The following IFT57 variants were observed in gnomAD, a reference collection of about 807,000 sequenced individuals.
The protein encoded by IFT57 is intraflagellar transport protein 57 homolog.
IFT57 carries 59 observed loss-of-function variants against 56.8 expected under a neutral mutation model. The ratio of observed to expected loss-of-function variants is 1.04; its 90% confidence interval spans 0.84 to 1.29. IFT57 has a LOEUF of 1.29. Among genes scored for constraint, IFT57 ranks in the 50% most tolerant of loss-of-function variants. IFT57 has a pLI of 0.00. For missense variants in IFT57, 470 were observed against 522.1 expected (o/e 0.90, Z 0.97); for synonymous variants, 209 against 186.1 (o/e 1.12, Z -1.00).
intron 5 of IFT57, among the ~76,000 whole-genome samples, chr3:108,206,076 T>C (rs866486524): frequency 6.9e-5 from 9 of 131,170 alleles, no homozygotes; most frequent in Middle Eastern, 9.0e-3. Context: ...AATAATATAT[T>C]ATATATAAAT....
rs531996536 is a variant in IFT57 at position 108,198,821 on chromosome 3, G to A, written c.655-7178C>T. 3.3e-5 allele frequency among the ~76,000 whole-genome samples: 5 copies of A among 152,210 alleles called. No homozygotes were observed. The South Asian group carries it at 1.0e-3, about 32-fold the overall frequency. On this transcript the variant is annotated intron_variant, in intron 5 of 10. Coordinates refer to ENST00000264538, the MANE Select transcript of IFT57 (RefSeq NM_018010.4). ...GTTAATTTGGGTGTAATGTATGAGG[G>A]AGGAATCCAGCCTTTTCTACAAATG... is the stretch of plus-strand genomic sequence containing the variant.
At chr3:108,171,638 C>T (rs886673781) in intron 6 of IFT57, among the ~76,000 whole-genome samples, 1 of 151,740 alleles carries the variant, frequency 6.6e-6, no homozygotes, top group Non-Finnish European at 1.5e-5. Flanking sequence ...CCCTCCAAGT[C>T]AGCTAATCAA....
At chr3:108,209,897 T>C (rs576344247) in intron 4 of IFT57, among the ~76,000 whole-genome samples, 22 of 141,188 alleles carry the variant, frequency 1.6e-4, no homozygotes, top group African/African-American at 5.6e-4. Context: ...TGTAAGCCAA[T>C]TCCTTAGTCT....
chr3:108,222,113 G>T lies in IFT57; in HGVS notation c.210C>A (p.Ser70=), dbSNP rs963454098. The part of the protein sequence containing the change: ...FLRKSNLKAP[S]RHYFALPTNP... The stretch of plus-strand genomic sequence containing the variant: ...CGCTCGGGGACGCCGGCACCCACCT[G>T]GACGGGGCCTTCAGGTTGCTCTTCC... Residue 70 remains serine (S), a splice_region_variant and synonymous_variant, in exon 1 of 11, where the codon TCC becomes TCA. Coordinates refer to ENST00000264538, the MANE Select transcript of IFT57 (RefSeq NM_018010.4). 8.8e-6 allele frequency: 14 copies of T among 1,598,664 alleles called. No individual in the cohort carries two copies. The highest frequency in any genetic ancestry group is 1.1e-5 in the Non-Finnish European group (13 of 1,172,788).
intron 6 of IFT57, among the ~76,000 whole-genome samples, chr3:108,179,426 G>T (rs2080140616): frequency 6.6e-6 from 1 of 151,930 alleles, no homozygotes; most frequent in African/African-American, 2.4e-5. Flanking sequence ...ATACTTCTCG[G>T]ACAAAAATCT....
chr3:108,210,438 G>T (rs112695180), intron 4 of IFT57, among the ~76,000 whole-genome samples: 13,702 of 149,774 alleles, frequency 0.091, 681 homozygotes, highest in Middle Eastern at 0.12. Context: ...GGTTCAAGCA[G>T]TTCTCTTGCC....
chr3:108,163,333 T>C (rs1272782056), intron 10 of IFT57, among the ~76,000 whole-genome samples: 1 of 152,072 alleles, frequency 6.6e-6, no homozygotes. Flanking sequence ...GTATATAAAA[T>C]AGAAAAAGTG....
chr3:108,179,977 T>C (rs2080143659), intron 6 of IFT57, among the ~76,000 whole-genome samples: 1 of 152,024 alleles, frequency 6.6e-6, no homozygotes, highest in Non-Finnish European at 1.5e-5. Context: ...TCATGATCGC[T>C]GGAAATATGT....
At chr3:108,203,223 G>A (rs1209496607) in intron 5 of IFT57, among the ~76,000 whole-genome samples, 1 of 152,190 alleles carries the variant, frequency 6.6e-6, no homozygotes, top group Non-Finnish European at 1.5e-5. Flanking sequence ...TGTCAGGCCC[G>A]TATCACAGCA....
chr3:108,222,173 C>T lies in IFT57; in HGVS notation c.150G>A (p.Lys50=). The part of the protein sequence containing the change: ...MFVVMEDLVE[K]LKLLRYEEEF... ...CCTCCTCGTAGCGGAGCAGCTTCAG[C>T]TTCTCCACCAAGTCCTCCATCACCA... The change falls in exon 1 of 11, where the codon AAG becomes AAA. Residue 50 remains lysine, a synonymous_variant. Transcript: ENST00000264538. 1.2e-6 allele frequency: 2 copies of T among 1,614,054 alleles called. No homozygotes were observed. Among genetic ancestry groups the T allele is most frequent in the Non-Finnish European group, 8.5e-7 (1 of 1,179,954 alleles).
intron 6 of IFT57, among the ~76,000 whole-genome samples, chr3:108,173,470 C>A (rs1255922661): frequency 6.6e-6 from 1 of 151,740 alleles, no homozygotes; most frequent in East Asian, 1.9e-4. Flanking sequence ...CTAAAAATAT[C>A]CAGTCAAAAT....
rs1323791664 is a variant in IFT57, at chr3:108,161,264, A to C, written c.*1213T>G. 1.3e-5 allele frequency: 2 copies of C among 151,110 alleles called. No individual in the cohort carries two copies. The highest frequency in any genetic ancestry group is 3.9e-4 in the East Asian group (2 of 5,146). 9.4% of individuals were successfully genotyped at this position (151,110 alleles called of 1,614,324 possible). A position where few individuals can be genotyped will look rare whatever the true frequency, so the allele number is the denominator to read the frequency against. ...AATTAAATAAACTGGCATATTTGTC[A>C]TTGTATTGATTGTCATCCTTTCAGG... On this transcript the variant is annotated 3_prime_UTR_variant, in exon 11 of 11. Transcript: ENST00000264538.
intron 4 of IFT57, among the ~76,000 whole-genome samples, chr3:108,210,389 A>G (rs2080337461): frequency 7.2e-6 from 1 of 139,272 alleles, no homozygotes; most frequent in Non-Finnish European, 1.5e-5. Context: ...GCCGGACTGC[A>G]GTGGTGCAAT....
At chr3:108,174,228 T>C (rs578203126) in intron 6 of IFT57, among the ~76,000 whole-genome samples, 1 of 151,674 alleles carries the variant, frequency 6.6e-6, no homozygotes, top group South Asian at 2.1e-4. Context: ...AAAATATAAA[T>C]GATTATAACT....
intron 6 of IFT57, among the ~76,000 whole-genome samples, chr3:108,175,851 G>T (rs966643698): frequency 6.6e-5 from 10 of 151,336 alleles, no homozygotes; most frequent in African/African-American, 1.7e-4. Context: ...TAGTGCTAAA[G>T]AATTATTGAT....
chr3:108,208,069 A>G (rs989874298), intron 4 of IFT57, among the ~76,000 whole-genome samples: 3 of 151,322 alleles, frequency 2.0e-5, no homozygotes, highest in Non-Finnish European at 4.4e-5. Context: ...AAAAGCAACT[A>G]TAGGGGTGGG....
intron 6 of IFT57, among the ~76,000 whole-genome samples, chr3:108,191,164 T>C (rs1162610919): frequency 2.6e-5 from 4 of 152,226 alleles, no homozygotes; most frequent in East Asian, 1.9e-4. Flanking sequence ...TGTTTTGCCA[T>C]GCAGCAGAGC....
chr3:108,217,950 T>G (rs1228951180), intron 3 of IFT57, among the ~76,000 whole-genome samples: 3 of 151,900 alleles, frequency 2.0e-5, no homozygotes, highest in African/African-American at 4.8e-5. Context: ...GAAGATTTCA[T>G]GATTTCTAGC....
chr3:108,205,860 TATAAC>T (rs997550750), intron 5 of IFT57, among the ~76,000 whole-genome samples: 1 of 136,254 alleles, frequency 7.3e-6, no homozygotes, highest in African/African-American at 2.7e-5. Context: ...CATATATTTA[TATAAC>T]ATATTTATTA....
Sources: gnomAD v4.1 joint callset for allele counts (sites outside exome capture counted in the v4.1 genomes callset) on GRCh38, gnomAD v4.1.1 for gene constraint, MANE v1.5 for transcripts, NCBI Gene and HGNC (gene_info 2026-07-23, HGNC 2026-07-21) for gene names.